The following ZNF675 variants were observed in gnomAD, a reference collection of about 807,000 sequenced individuals.
ZNF675 encodes the protein TRAF6 inhibitory zinc finger.
A neutral mutation model predicts 56.1 loss-of-function variants in ZNF675; 36 were observed. That is an observed-to-expected ratio of 0.64 (90% CI 0.49 to 0.85). The LOEUF (loss-of-function observed/expected upper bound fraction) is 0.85. Ranked by LOEUF, ZNF675 falls within the 40% of genes least tolerant of loss-of-function variation. ZNF675 has a pLI of 0.00. For synonymous variants in ZNF675, 200 were observed against 218.9 expected (o/e 0.91, Z 0.76); for missense variants, 663 against 654.2 (o/e 1.01, Z -0.15).
At chr19:23,669,912 C>T (rs372364428) in intron 1 of ZNF675, among the ~76,000 whole-genome samples, 10 of 151,694 alleles carry the variant, frequency 6.6e-5, no homozygotes, top group African/African-American at 2.4e-4. Flanking sequence ...GTGGAGGGAA[C>T]CATTCTAAAG....
chr19:23,678,932 C>G (rs1224382990), intron 1 of ZNF675, among the ~76,000 whole-genome samples: 1 of 151,032 alleles, frequency 6.6e-6, no homozygotes, highest in Non-Finnish European at 1.5e-5. Flanking sequence ...TTTGGAAGGC[C>G]GAGGCGGGTG....
At position 23,663,054 on chromosome 19, in the gene ZNF675, G is replaced by A; in HGVS notation, c.108C>T (p.Asn36=). 2.5e-6 allele frequency: 4 copies of A among 1,602,598 alleles called. No individual in the cohort carries two copies. The highest frequency in any genetic ancestry group is 8.5e-7 in the Non-Finnish European group (1 of 1,176,016). Residue 36 remains asparagine (N), a synonymous_variant, in exon 2 of 4, where the codon AAC becomes AAT. Transcript: ENST00000359788. The part of the protein sequence containing the change: ...RNLYKNVILE[N]YRNLVFLGIA... The stretch of plus-strand genomic sequence containing the variant: ...TACCCAGGAAGACCAGGTTTCTGTA[G>A]TTCTCTAAAATCACATTTTTATATA...
At position 23,653,056 on chromosome 19, in the gene ZNF675, T is replaced by C; in HGVS notation, c.*170A>G. ...ATAAGGTTTGAGCCTTAATTAACAG[T>C]ATTGCCAAATTCTTCACACTTGTAG... On this transcript the variant is annotated 3_prime_UTR_variant, in exon 4 of 4. Transcript: ENST00000359788. 2 of 631,848 alleles carry C rather than the reference T, an allele frequency of 3.2e-6. No homozygotes were observed. Among genetic ancestry groups the C allele is most frequent in the East Asian group, 2.9e-5 (1 of 35,026 alleles). 39.1% of individuals were successfully genotyped at this position (631,848 alleles called of 1,614,324 possible). A position where few individuals can be genotyped will look rare whatever the true frequency, so the allele number is the denominator to read the frequency against.
At chr19:23,663,235 G>A (rs1968104831) in intron 1 of ZNF675, 77 bp from the exon 2 acceptor site, 1 of 1,518,282 alleles carries the variant, frequency 6.6e-7, no homozygotes, top group African/African-American at 1.4e-5. Flanking sequence ...TAAAATGAGA[G>A]ACTAAAGAGA....
rs1388167511 is a variant in ZNF675 at position 23,653,147 on chromosome 19, T to G, written c.*79A>C. On this transcript the variant is annotated 3_prime_UTR_variant, in exon 4 of 4. Coordinates refer to ENST00000359788, the MANE Select transcript of ZNF675 (RefSeq NM_138330.3). Reference sequence around the variant, plus strand: ...AAAACCATTTAAAGTCTTTGACACATTCTTTACATTTCTAGAATTTTTCAC... The same window carrying G: ...AAAACCATTTAAAGTCTTTGACACAGTCTTTACATTTCTAGAATTTTTCAC... The G allele has an allele frequency of 1.5e-6, 2 of 1,310,956 alleles. No individual in the cohort carries two copies. Among genetic ancestry groups the G allele is most frequent in the Non-Finnish European group, 2.1e-6 (2 of 956,816 alleles). The allele number at this position is 1,310,956 out of a possible 1,614,324, so 81.2% of individuals were successfully genotyped here. A position where few individuals can be genotyped will look rare whatever the true frequency, so the allele number is the denominator to read the frequency against.
At chr19:23,663,540 A>G (rs1451064195) in intron 1 of ZNF675, among the ~76,000 whole-genome samples, 1 of 152,092 alleles carries the variant, frequency 6.6e-6, no homozygotes, top group Non-Finnish European at 1.5e-5. Flanking sequence ...TAAAAATACA[A>G]AATTAGCCAG....
intron 1 of ZNF675, among the ~76,000 whole-genome samples, chr19:23,676,012 C>T (rs1007780290): frequency 2.1e-5 from 3 of 143,280 alleles, no homozygotes; most frequent in Middle Eastern, 3.8e-3. Flanking sequence ...TTAGTAATGA[C>T]AAATGGACAT....
rs771738569 is a variant in ZNF675, at chr19:23,654,444, CTTA to C, written c.486_488del (p.His162_Lys163delinsGln). The C allele has an allele frequency of 6.2e-7, 1 of 1,606,122 alleles. No homozygotes were observed. The highest frequency in any genetic ancestry group is 8.5e-7 in the Non-Finnish European group (1 of 1,177,108). ...AAGGTTTATTTTCCATATGTTTTAT[CTTA>C]TGTCTATCTGAATGTGAAAATTTAT... On this transcript the variant is annotated inframe_deletion, in exon 4 of 4. Coordinates refer to ENST00000359788, the MANE Select transcript of ZNF675 (RefSeq NM_138330.3).
At position 23,661,182 on chromosome 19, in the gene ZNF675, G is replaced by A. The variant is rs1041903646; in HGVS notation, c.226+932C>T. Among the ~76,000 whole-genome samples, 23 of 152,058 alleles carry A rather than the reference G, an allele frequency of 1.5e-4. No individual in the cohort carries two copies. The East Asian group carries it at 3.1e-3, about 21-fold the overall frequency. ...AATCAAAAGAAAGATTTATCTCTGT[G>A]AGATGAATGCACACATCACAAAGCA... is the stretch of plus-strand genomic sequence containing the variant. On this transcript the variant is annotated intron_variant, in intron 3 of 3. Transcript: ENST00000359788.
intron 3 of ZNF675, among the ~76,000 whole-genome samples, chr19:23,658,917 A>G (rs1231744618): frequency 3.5e-5 from 5 of 142,380 alleles, no homozygotes; most frequent in Non-Finnish European, 6.2e-5. Context: ...AGATAGATAT[A>G]GATCTATAGA....
At chr19:23,680,298 G>T (rs1024233368) in intron 1 of ZNF675, among the ~76,000 whole-genome samples, 1 of 151,314 alleles carries the variant, frequency 6.6e-6, no homozygotes, top group African/African-American at 2.4e-5. Context: ...GCCAGACTCC[G>T]TCTCAAAAAA....
chr19:23,662,927 T>G, intron 2 of ZNF675, 105 bp downstream of exon 2: 1 of 1,102,914 alleles, frequency 9.1e-7, no homozygotes, highest in Non-Finnish European at 1.2e-6. Context: ...GAGGTTGCAG[T>G]GAGCCAAGAT....
intron 1 of ZNF675, among the ~76,000 whole-genome samples, chr19:23,679,186 GAACA>G (rs1389664383): frequency 1.8e-5 from 2 of 110,108 alleles, no homozygotes; most frequent in Non-Finnish European, 3.7e-5. Context: ...AAAAAAAAGA[GAACA>G]AAAATTAAAT....
chr19:23,678,747 G>C (rs895582749), intron 1 of ZNF675, among the ~76,000 whole-genome samples: 2 of 151,164 alleles, frequency 1.3e-5, no homozygotes, highest in African/African-American at 2.5e-5. Context: ...AAATGCAACA[G>C]AATAGAGAGC....
At chr19:23,660,659 ACAGTGAGAGATAT>A (rs917376947) in intron 3 of ZNF675, among the ~76,000 whole-genome samples, 2 of 151,946 alleles carry the variant, frequency 1.3e-5, no homozygotes, top group African/African-American at 4.8e-5. Flanking sequence ...CAAAATCTTT[ACAGTGAGAGATAT>A]CAGTGAAAGA....
Position 23,653,695 on chromosome 19 carries a change from G to A in ZNF675, c.1238C>T (p.Thr413Ile). The change falls in exon 4 of 4, where the codon ACA (threonine) becomes ATA (isoleucine). Residue 413 changes from threonine to isoleucine, a missense_variant. Physicochemically the swap from Thr to Ile is moderately conservative, Grantham distance 89. Around this residue, in one of 3 missense-constraint regions of ZNF675, gnomAD observed 617 missense variants for 590.5 expected, o/e 1.04. Transcript: ENST00000359788. ...CTCTCCAGTGTGAATTCTCTTATGT[G>A]TAGTAAGGGCTGAGGAGTGTTTAAA... ...KAFKHSSALT[T>I]HKRIHTGEKP... 6.2e-7 allele frequency: 1 copy of A among 1,612,538 alleles called. No homozygotes were observed. The highest frequency in any genetic ancestry group is 8.5e-7 in the Non-Finnish European group (1 of 1,179,712).
Position 23,653,136 on chromosome 19 carries a change from T to A in ZNF675, c.*90A>T. ...AATGAAGTGTGAAAACCATTTAAAGTCTTTGACACATTCTTTACATTTCTA... is the reference window on the plus strand; with the variant it reads ...AATGAAGTGTGAAAACCATTTAAAGACTTTGACACATTCTTTACATTTCTA... On this transcript the variant is annotated 3_prime_UTR_variant, in exon 4 of 4. Transcript: ENST00000359788. 1 of 1,217,896 alleles carries A rather than the reference T, an allele frequency of 8.2e-7. No homozygotes were observed. The highest frequency in any genetic ancestry group is 1.1e-6 in the Non-Finnish European group (1 of 878,934). The allele number at this position is 1,217,896 out of a possible 1,614,324, so 75.4% of individuals were successfully genotyped here. A position where few individuals can be genotyped will look rare whatever the true frequency, so the allele number is the denominator to read the frequency against.
chr19:23,670,592 C>T (rs1968216148), intron 1 of ZNF675, among the ~76,000 whole-genome samples: 1 of 152,064 alleles, frequency 6.6e-6, no homozygotes, highest in African/African-American at 2.4e-5. Context: ...ACACCGGGGA[C>T]CCTACAAGTT....
At chr19:23,680,400 G>A (rs529955660) in intron 1 of ZNF675, among the ~76,000 whole-genome samples, 2 of 151,916 alleles carry the variant, frequency 1.3e-5, no homozygotes, top group African/African-American at 4.9e-5. Context: ...CATGTACAGA[G>A]CTAGAGACCA....
Sources: allele counts gnomAD v4.1 joint callset (sites outside exome capture counted in the v4.1 genomes callset), GRCh38; gene constraint gnomAD v4.1.1; regional missense constraint gnomAD v4.1.1; transcripts MANE v1.5; gene names NCBI Gene and HGNC (gene_info 2026-07-23, HGNC 2026-07-21).